The following SNX29 variants were observed in gnomAD, a reference collection of about 807,000 sequenced individuals.
SNX29 encodes sorting nexin 29.
Under a neutral mutation model 102.1 loss-of-function variants are expected in SNX29, and 78 were observed. The observed-to-expected ratio is 0.76, with a 90% CI of 0.64 to 0.92. The LOEUF (loss-of-function observed/expected upper bound fraction) is 0.92, where lower values mean the gene tolerates loss of function less well. Ranked by LOEUF, SNX29 falls within the 40% of genes least tolerant of loss-of-function variation. SNX29 has a pLI of 0.00. For missense variants in SNX29, 1,280 were observed against 1,061.7 expected (o/e 1.21, Z -2.86); for synonymous variants, 580 against 414.5 (o/e 1.40, Z -4.85).
At chr16:12,114,039 G>A (rs543235301) in intron 11 of SNX29, among the ~76,000 whole-genome samples, 2 of 152,298 alleles carry the variant, frequency 1.3e-5, no homozygotes, top group African/African-American at 4.8e-5. Context: ...GTTACTTGCC[G>A]TGACATCACA....
intron 16 of SNX29, among the ~76,000 whole-genome samples, chr16:12,381,474 TCCACCTAG>T (rs1160386163): frequency 2.3e-5 from 1 of 44,232 alleles, no homozygotes; most frequent in East Asian, 7.7e-4. Flanking sequence ...CATCCACCTA[TCCACCTAG>T]CCACCCACCC....
chr16:12,450,780 A>G lies in SNX29; in HGVS notation c.2038-26939A>G, dbSNP rs184225584. Among the ~76,000 whole-genome samples the G allele has an allele frequency of 2.0e-4, 30 of 152,270 alleles. No individual in the cohort carries two copies. The East Asian group carries it at 4.4e-3, about 23-fold the overall frequency. ...ATGGTATGATTGGAGCTTTAGGCCA[A>G]TCATTGTGGTGGCACTGGGGAACCT... On this transcript the variant is annotated intron_variant, in intron 18 of 20. Transcript: ENST00000566228.
chr16:12,200,487 CTTT>C (rs35068951), intron 14 of SNX29, among the ~76,000 whole-genome samples: 1 of 148,474 alleles, frequency 6.7e-6, no homozygotes, highest in Non-Finnish European at 1.5e-5. Flanking sequence ...ATTCACGTGT[CTTT>C]TTTTTTTTTT....
At chr16:12,413,003 G>A (rs2084469139) in intron 18 of SNX29, among the ~76,000 whole-genome samples, 2 of 152,198 alleles carry the variant, frequency 1.3e-5, no homozygotes, top group Admixed American at 6.5e-5. Context: ...GAGCTACCCA[G>A]TGTGTTTATC....
chr16:12,379,196 G>T (rs2082987599), intron 16 of SNX29, among the ~76,000 whole-genome samples: 1 of 152,178 alleles, frequency 6.6e-6, no homozygotes, highest in Admixed American at 6.5e-5. Context: ...TCAAGCAGGG[G>T]TGTAGTGGTG....
At chr16:12,324,961 G>A (rs1196099706) in intron 15 of SNX29, among the ~76,000 whole-genome samples, 1 of 152,136 alleles carries the variant, frequency 6.6e-6, no homozygotes, top group Non-Finnish European at 1.5e-5. Context: ...GCTTTACTCA[G>A]GAGGGTTTTT....
chr16:12,506,173 C>G (rs2089369305), intron 19 of SNX29, among the ~76,000 whole-genome samples: 1 of 152,178 alleles, frequency 6.6e-6, no homozygotes, highest in African/African-American at 2.4e-5. Context: ...GTTGACCAGG[C>G]TGGTCTTGAA....
At chr16:12,520,220 A>G (rs1272596915) in intron 19 of SNX29, among the ~76,000 whole-genome samples, 2 of 152,128 alleles carry the variant, frequency 1.3e-5, no homozygotes, top group East Asian at 3.9e-4. Flanking sequence ...ATGCAGCCCC[A>G]CCTGCCCCTG....
rs149346285 is a variant in SNX29, at chr16:12,258,222, C to T, written c.1679-19711C>T. 4.7e-3 allele frequency among the ~76,000 whole-genome samples: 722 copies of T among 152,266 alleles called. 4 individuals carry two copies. Among genetic ancestry groups the T allele is most frequent in the African/African-American group, 0.016 (653 of 41,542 alleles). ...AAGTTTCCCCTGCAGCCTCCAGCCC[C>T]GTGTCATCTGCCGCCACCTGCCGTC... On this transcript the variant is annotated intron_variant, in intron 14 of 20. Transcript: ENST00000566228.
At chr16:12,513,261 T>A (rs1264497220) in intron 19 of SNX29, among the ~76,000 whole-genome samples, 1 of 139,932 alleles carries the variant, frequency 7.1e-6, no homozygotes, top group Non-Finnish European at 1.5e-5. Flanking sequence ...TCCTCTCCCC[T>A]CCCCTTCCTA....
chr16:12,034,105 G>A (rs905780390), intron 4 of SNX29, among the ~76,000 whole-genome samples: 10 of 152,150 alleles, frequency 6.6e-5, no homozygotes, highest in Non-Finnish European at 1.2e-4. Context: ...GAGAGAGACC[G>A]ACTTCCTTGA....
intron 19 of SNX29, among the ~76,000 whole-genome samples, chr16:12,482,587 C>T (rs922356785): frequency 3.3e-5 from 5 of 152,220 alleles, no homozygotes; most frequent in African/African-American, 1.2e-4. Context: ...CAGGCATGAG[C>T]CACTGCTCCT....
chr16:12,046,292 A>G (rs1303289381), intron 5 of SNX29, 92 bp from the exon 6 acceptor site: 2 of 1,292,536 alleles, frequency 1.5e-6, no homozygotes, highest in Non-Finnish European at 2.2e-6. Flanking sequence ...CCAGGTGCAG[A>G]TCTTCCAGGG....
intron 16 of SNX29, among the ~76,000 whole-genome samples, chr16:12,359,643 A>G (rs2082244839): frequency 2.0e-5 from 3 of 152,332 alleles, no homozygotes; most frequent in Non-Finnish European, 1.5e-5. Context: ...CCATGTCCCT[A>G]TCACTCGGCC....
At chr16:12,218,831 G>A (rs992287913) in intron 14 of SNX29, among the ~76,000 whole-genome samples, 1 of 152,052 alleles carries the variant, frequency 6.6e-6, no homozygotes, top group Non-Finnish European at 1.5e-5. Flanking sequence ...CTGGAGTGCA[G>A]TGGCGCGACC....
intron 20 of SNX29, among the ~76,000 whole-genome samples, chr16:12,553,299 G>C (rs1779774678): frequency 6.6e-6 from 1 of 152,162 alleles, no homozygotes; most frequent in Non-Finnish European, 1.5e-5. Flanking sequence ...AAAATGAGTG[G>C]GCACCTGGCC....
chr16:12,263,694 AAATGT>A (rs2078845408), intron 14 of SNX29, among the ~76,000 whole-genome samples: 1 of 152,250 alleles, frequency 6.6e-6, no homozygotes, highest in Non-Finnish European at 1.5e-5. Context: ...AAGCCATGTT[AAATGT>A]ACCTTGTTAG....
At chr16:11,982,462 C>A (rs552249394) in intron 1 of SNX29, among the ~76,000 whole-genome samples, 1 of 134,108 alleles carries the variant, frequency 7.5e-6, no homozygotes, top group Admixed American at 8.5e-5. Flanking sequence ...TGGAGTCTTG[C>A]TCTGTCACCC....
At chr16:12,484,615 C>T (rs142800862) in intron 19 of SNX29, among the ~76,000 whole-genome samples, 74 of 152,194 alleles carry the variant, frequency 4.9e-4, no homozygotes, top group African/African-American at 1.7e-3. Context: ...ACACTGGTGT[C>T]CTAAGACATC....
Sources: allele counts gnomAD v4.1 joint callset (sites outside exome capture counted in the v4.1 genomes callset), GRCh38; gene constraint gnomAD v4.1.1; transcripts MANE v1.5; gene names NCBI Gene and HGNC (gene_info 2026-07-23, HGNC 2026-07-21).